MYO10: variants seen among roughly 807,000 people sequenced by gnomAD.
MYO10 encodes the protein unconventional myosin-X.
In MYO10, 133 loss-of-function variants were observed where a neutral mutation model predicts 257.3. The observed-to-expected ratio is 0.52, with a 90% CI of 0.45 to 0.60. The LOEUF (loss-of-function observed/expected upper bound fraction) is 0.60, where lower values mean the gene tolerates loss of function less well. MYO10 is among the 20% of genes least tolerant of loss of function. MYO10 has a pLI of 0.00. For missense variants in MYO10, 2,399 were observed against 2,635.7 expected (o/e 0.91, Z 1.97); for synonymous variants, 1,104 against 1,028.6 (o/e 1.07, Z -1.40).
At chr5:16,733,226 A>C (rs1420437772) in intron 19 of MYO10, among the ~76,000 whole-genome samples, 2 of 152,206 alleles carry the variant, frequency 1.3e-5, no homozygotes, top group Non-Finnish European at 2.9e-5. Flanking sequence ...ACAGATGCCA[A>C]ATATTAAAAA....
rs1017585228 is a variant in MYO10, at chr5:16,893,341, T to G, written c.22-15634A>C. Reference sequence around the variant, plus strand: ...CACTAAGATTTTGTCTATAGAAAATTATTTCTCTCCTGCTGGGCACCATGG... The same window carrying G: ...CACTAAGATTTTGTCTATAGAAAATGATTTCTCTCCTGCTGGGCACCATGG... On this transcript the variant is annotated intron_variant, in intron 1 of 40. Transcript: ENST00000513610. Among the ~76,000 whole-genome samples, 10 of 151,860 alleles carry G rather than the reference T, an allele frequency of 6.6e-5. 1 individual carries two copies. The highest frequency in any genetic ancestry group is 2.4e-4 in the African/African-American group (10 of 41,324).
At chr5:16,734,351 C>A (rs1166572363) in intron 19 of MYO10, among the ~76,000 whole-genome samples, 2 of 152,156 alleles carry the variant, frequency 1.3e-5, no homozygotes, top group Non-Finnish European at 2.9e-5. Context: ...CCACGCCTAC[C>A]CCAAAATGAA....
intron 33 of MYO10, 53 bp from the exon 34 acceptor site, chr5:16,676,207 T>C (rs907054408): frequency 5.1e-5 from 82 of 1,593,430 alleles, no homozygotes; most frequent in African/African-American, 1.6e-4. Context: ...TTCCTACATA[T>C]AAATATTTTT....
intron 34 of MYO10, 144 bp downstream of exon 34, chr5:16,675,887 A>G (rs1736699421): frequency 9.9e-7 from 1 of 1,006,306 alleles, no homozygotes; most frequent in Non-Finnish European, 1.4e-6. Flanking sequence ...AATGAATCTA[A>G]GTATATTTCA....
At position 16,668,268 on chromosome 5, in the gene MYO10, G is replaced by A; in HGVS notation, c.6075+9C>T. 10 of 1,602,408 alleles carry A rather than the reference G, an allele frequency of 6.2e-6. No individual in the cohort carries two copies. Among genetic ancestry groups the A allele is most frequent in the African/African-American group, 2.7e-5 (2 of 74,446 alleles). On this transcript the variant is annotated intron_variant, in intron 40 of 40. Coordinates refer to ENST00000513610, the MANE Select transcript of MYO10 (RefSeq NM_012334.3). ...ATGAATAAAAAGATGAACTTGCTTT[G>A]CCTCTTACCTCACTGGTTTCAAAGA...
At chr5:16,932,026 G>A (rs1338081722) in intron 1 of MYO10, among the ~76,000 whole-genome samples, 1 of 152,200 alleles carries the variant, frequency 6.6e-6, no homozygotes, top group Non-Finnish European at 1.5e-5. Context: ...CCCTTGTCAA[G>A]TTAAGTAGAA....
chr5:16,846,455 A>C (rs1270832576), intron 2 of MYO10, among the ~76,000 whole-genome samples: 2 of 152,212 alleles, frequency 1.3e-5, no homozygotes, highest in Non-Finnish European at 2.9e-5. Context: ...CAAAGTCTAC[A>C]ATCATAAAAA....
intron 2 of MYO10, among the ~76,000 whole-genome samples, chr5:16,821,214 T>G (rs2126707855): frequency 6.7e-6 from 1 of 148,982 alleles, no homozygotes; most frequent in East Asian, 2.0e-4. Flanking sequence ...ATCTTGCTGT[T>G]CCTGGTGCAT....
chr5:16,874,167 T>C (rs1040418911), intron 2 of MYO10, among the ~76,000 whole-genome samples: 9 of 151,726 alleles, frequency 5.9e-5, no homozygotes, highest in African/African-American at 2.2e-4. Context: ...ACCCCATCTC[T>C]ACTAAAAACA....
At chr5:16,904,001 A>G (rs1438345816) in intron 1 of MYO10, among the ~76,000 whole-genome samples, 1 of 152,194 alleles carries the variant, frequency 6.6e-6, no homozygotes, top group African/African-American at 2.4e-5. Context: ...CTTGTATGCC[A>G]TGAGTTGACT....
intron 6 of MYO10, among the ~76,000 whole-genome samples, chr5:16,781,146 C>A (rs1741410568): frequency 6.6e-6 from 1 of 150,804 alleles, no homozygotes; most frequent in Non-Finnish European, 1.5e-5. Context: ...GTGGCACGAT[C>A]TCGGCTCACT....
intron 2 of MYO10, among the ~76,000 whole-genome samples, chr5:16,820,126 A>C (rs905431042): frequency 1.3e-5 from 2 of 152,270 alleles, no homozygotes; most frequent in Non-Finnish European, 2.9e-5. Flanking sequence ...CAGAAGGCAC[A>C]AGGACATTCA....
chr5:16,723,834 A>G (rs1052732990), intron 19 of MYO10, among the ~76,000 whole-genome samples: 4 of 152,250 alleles, frequency 2.6e-5, no homozygotes, highest in African/African-American at 9.6e-5. Flanking sequence ...ACATAGTGCT[A>G]GGTGAAAGAT....
chr5:16,689,814 G>T lies in MYO10; in HGVS notation c.3896+10C>A. The T allele has an allele frequency of 6.2e-7, 1 of 1,601,808 alleles. No individual in the cohort carries two copies. Among genetic ancestry groups the T allele is most frequent in the Non-Finnish European group, 8.6e-7 (1 of 1,169,076 alleles). On this transcript the variant is annotated intron_variant, in intron 28 of 40. Coordinates refer to ENST00000513610, the MANE Select transcript of MYO10 (RefSeq NM_012334.3). ...ATGTGGGTAACACAAAGTCAACAGC[G>T]CAGACTCACCTGGCATCTTCTGGGG...
At chr5:16,928,214 A>G (rs1561064686) in intron 1 of MYO10, among the ~76,000 whole-genome samples, 1 of 152,054 alleles carries the variant, frequency 6.6e-6, no homozygotes, top group Non-Finnish European at 1.5e-5. Context: ...TATTATTACT[A>G]TTACAATTTT....
chr5:16,782,280 G>A (rs550459485), intron 5 of MYO10, among the ~76,000 whole-genome samples: 16 of 152,230 alleles, frequency 1.1e-4, no homozygotes, highest in Non-Finnish European at 1.5e-4. Context: ...ATCAGGGGCC[G>A]GCAAACTTTT....
At chr5:16,883,591 C>T (rs1162284208) in intron 1 of MYO10, among the ~76,000 whole-genome samples, 6 of 152,148 alleles carry the variant, frequency 3.9e-5, no homozygotes, top group Non-Finnish European at 7.3e-5. Flanking sequence ...CCCCATCTGG[C>T]CCATTCATCA....
intron 2 of MYO10, among the ~76,000 whole-genome samples, chr5:16,827,352 C>T (rs937054559): frequency 1.3e-5 from 2 of 152,138 alleles, no homozygotes; most frequent in East Asian, 1.9e-4. Flanking sequence ...GGCACAGTCT[C>T]GACTCACTGC....
chr5:16,715,823 AGGCAG>A (rs1738845102), intron 19 of MYO10, among the ~76,000 whole-genome samples: 1 of 152,138 alleles, frequency 6.6e-6, no homozygotes, highest in African/African-American at 2.4e-5. Flanking sequence ...TGGGAGGGCG[AGGCAG>A]GTGGATCACC....
Sources: gnomAD v4.1 joint callset for allele counts (sites outside exome capture counted in the v4.1 genomes callset) on GRCh38, gnomAD v4.1.1 for gene constraint, MANE v1.5 for transcripts, NCBI Gene and HGNC (gene_info 2026-07-23, HGNC 2026-07-21) for gene names.